Variants in PIGR observed in about 807,000 individuals in gnomAD.
PIGR encodes hepatocellular carcinoma associated protein TB6.
Under a neutral mutation model 69.5 loss-of-function variants are expected in PIGR, and 22 were observed. The observed-to-expected ratio is 0.32, with a 90% confidence interval of 0.23 to 0.45. The LOEUF (loss-of-function observed/expected upper bound fraction) is 0.45. Among genes scored for constraint, PIGR ranks in the 20% least tolerant of loss-of-function variants. The pLI is 1.00. For synonymous variants in PIGR, 413 were observed against 407.6 expected, an observed-to-expected ratio of 1.01 and a Z score of -0.16; for missense variants, 885 against 974.0, an observed-to-expected ratio of 0.91 and a Z score of 1.22.
At chr1:206,938,822 C>G (rs1283551253) in intron 3 of PIGR, among the ~76,000 whole-genome samples, 1 of 152,166 alleles carries the variant, frequency 6.6e-6, no homozygotes, top group Non-Finnish European at 1.5e-5. Context: ...ATTTCCCTTT[C>G]TACCTGTAGC....
At chr1:206,934,322 A>G (rs751534843) in intron 6 of PIGR, 98 bp downstream of exon 6, 23 of 1,067,368 alleles carry the variant, frequency 2.2e-5, no homozygotes, top group Non-Finnish European at 3.1e-5. Context: ...ACAGCCAAAC[A>G]TAGGGGCCAG....
In PIGR at chr1:206,929,645, A is replaced by G. The variant is rs1482258256; in HGVS notation, c.*673T>C. The G allele has an allele frequency of 3.3e-5, 5 of 152,160 alleles. No individual in the cohort carries two copies. Among genetic ancestry groups the G allele is most frequent in the Non-Finnish European group, 7.4e-5 (5 of 68,026 alleles). 9.4% of individuals were successfully genotyped at this position (152,160 alleles called of 1,614,324 possible). On this transcript the variant is annotated 3_prime_UTR_variant, in exon 11 of 11. Transcript: ENST00000356495. ...TGTGGGTTTATAATTACCTGTGTGTATGCTCATCATACATGACCCCTAAGG... is the reference window on the plus strand; with the variant it reads ...TGTGGGTTTATAATTACCTGTGTGTGTGCTCATCATACATGACCCCTAAGG...
intron 6 of PIGR, 23 bp downstream of exon 6, chr1:206,934,397 A>G: frequency 6.2e-7 from 1 of 1,600,268 alleles, no homozygotes; most frequent in Non-Finnish European, 8.5e-7. Context: ...TGAGGGGTGC[A>G]GGCCCTGTCC....
In PIGR at chr1:206,937,265, G is replaced by T. The variant is rs774144443; in HGVS notation, c.875C>A (p.Ala292Asp). The T allele has an allele frequency of 1.6e-5, 26 of 1,613,834 alleles. No individual in the cohort carries two copies. The African/African-American group carries it at 3.1e-4, about 19-fold the overall frequency. The change falls in exon 4 of 11, where the codon GCC (alanine) becomes GAC (aspartate). Residue 292 changes from alanine (A) to aspartate (D), a missense_variant. By Grantham distance (126) the Ala-to-Asp change is moderately radical. Transcript: ENST00000356495. Reference sequence around the variant, plus strand: ...GTTGAGCAGGATCCTGCCCTCAAAGGCTGGGGCCCTCTTCCCCAGGGTGTT... The same window carrying T: ...GTTGAGCAGGATCCTGCCCTCAAAGTCTGGGGCCCTCTTCCCCAGGGTGTT... The part of the protein sequence containing the change: ...VVNTLGKRAP[A>D]FEGRILLNPQ...
At chr1:206,932,878 C>G in intron 7 of PIGR, 108 bp downstream of exon 7, 1 of 1,125,228 alleles carries the variant, frequency 8.9e-7, no homozygotes, top group Non-Finnish European at 1.3e-6. Flanking sequence ...AAGGGCTGCC[C>G]CAGTGCTCAA....
Position 206,930,876 on chromosome 1 carries a change from T to C in PIGR, c.2200-463A>G, listed in dbSNP as rs573079710. On this transcript the variant is annotated intron_variant, in intron 10 of 10. Coordinates refer to ENST00000356495, the MANE Select transcript of PIGR (RefSeq NM_002644.4). The surrounding 1 kb of genome is among the most constrained non-coding windows in gnomAD (Gnocchi z 4.3). ...CAGAGATGTTTCAAGAAAAAGTAGA[T>C]ATGATAAAAACAACAACAACAACAA... is the stretch of plus-strand genomic sequence containing the variant. 2.0e-6 allele frequency: 2 copies of C among 985,406 alleles called. No individual in the cohort carries two copies. Among genetic ancestry groups the C allele is most frequent in the South Asian group, 4.7e-5 (1 of 21,286 alleles). The allele number at this position is 985,406 out of a possible 1,614,324, so 61.0% of individuals were successfully genotyped here.
chr1:206,942,005 T>A (rs1360076405), intron 1 of PIGR, among the ~76,000 whole-genome samples: 1 of 152,224 alleles, frequency 6.6e-6, no homozygotes, highest in African/African-American at 2.4e-5. Context: ...CAGACTCCCT[T>A]CACCAGCTTG....
chr1:206,931,067 C>G, intron 10 of PIGR: 2 of 985,416 alleles, frequency 2.0e-6, no homozygotes, highest in Non-Finnish European at 2.4e-6. Context: ...CTGCCCACCG[C>G]AAGCAAATGT....
At chr1:206,933,326 A>G (rs1053146718) in intron 6 of PIGR, among the ~76,000 whole-genome samples, 160 bp from the exon 7 acceptor site, 2 of 152,164 alleles carry the variant, frequency 1.3e-5, no homozygotes, top group African/African-American at 2.4e-5. Context: ...AACAGCTGTG[A>G]TGGCCTTCTT....
intron 8 of PIGR, 61 bp downstream of exon 8, chr1:206,932,395 A>T: frequency 6.6e-7 from 1 of 1,518,836 alleles, no homozygotes; most frequent in African/African-American, 1.4e-5. Flanking sequence ...CTATGGGTGG[A>T]TGATTCAGGA....
At chr1:206,932,321 C>G in intron 8 of PIGR, 135 bp downstream of exon 8, 2 of 1,074,234 alleles carry the variant, frequency 1.9e-6, no homozygotes, top group Admixed American at 2.6e-5. Flanking sequence ...TTATCTTTCC[C>G]CATCCTGCTT....
rs1390091074 is a variant in PIGR, at chr1:206,929,089, AAAAATT to A, written c.*1223_*1228del. The A allele has an allele frequency of 5.4e-4, 83 of 152,384 alleles. 1 individual carries two copies. The highest frequency in any genetic ancestry group is 8.8e-4 in the Non-Finnish European group (60 of 68,390). 9.4% of individuals were successfully genotyped at this position (152,384 alleles called of 1,614,324 possible). Reference sequence around the variant, plus strand: ...CTCTACAAAAAAAAAAAAAAAAAAAAAAAATTAGCCAGACATGGTGGCCCACATCTG... The same window carrying A: ...CTCTACAAAAAAAAAAAAAAAAAAAAAGCCAGACATGGTGGCCCACATCTG... On this transcript the variant is annotated 3_prime_UTR_variant, in exon 11 of 11. Transcript: ENST00000356495.
Position 206,930,745 on chromosome 1 carries a change from T to C in PIGR, c.2200-332A>G. 1.9e-5 allele frequency: 19 copies of C among 985,314 alleles called. No individual in the cohort carries two copies. The highest frequency in any genetic ancestry group is 2.2e-5 in the Non-Finnish European group (18 of 829,902). The allele number at this position is 985,314 out of a possible 1,614,324, so 61.0% of individuals were successfully genotyped here. A position where few individuals can be genotyped will look rare whatever the true frequency, so the allele number is the denominator to read the frequency against. On this transcript the variant is annotated intron_variant, in intron 10 of 10. Transcript: ENST00000356495. This position sits in a 1 kb window ranked among gnomAD's most constrained non-coding sequence, Gnocchi z 4.3. Reference sequence around the variant, plus strand: ...CCTAGGCTGGGGTCAACCACGGTGGTGTATGTTTTTCTTTCTCCACCAGCC... The same window carrying C: ...CCTAGGCTGGGGTCAACCACGGTGGCGTATGTTTTTCTTTCTCCACCAGCC...
At chr1:206,936,993 G>T in intron 4 of PIGR, 102 bp downstream of exon 4, 3 of 1,126,134 alleles carry the variant, frequency 2.7e-6, no homozygotes, top group Non-Finnish European at 3.7e-6. Context: ...GGATGCTGTT[G>T]GCTGATTGAT....
At chr1:206,932,860 G>A in intron 7 of PIGR, 126 bp downstream of exon 7, 1 of 953,948 alleles carries the variant, frequency 1.0e-6, no homozygotes, top group Non-Finnish European at 1.6e-6. Flanking sequence ...CATATAAGCA[G>A]AGGTAGTAAG....
chr1:206,937,504 G>T lies in PIGR; in HGVS notation c.636C>A (p.Leu212=). 2 of 1,614,210 alleles carry T rather than the reference G, an allele frequency of 1.2e-6. No individual in the cohort carries two copies. The highest frequency in any genetic ancestry group is 1.7e-6 in the Non-Finnish European group (2 of 1,180,030). The part of the protein sequence containing the change: ...LFSVVINQLR[L]SDAGQYLCQA... ...GGCAGAGATACTGCCCAGCATCGCT[G>T]AGCCTGAGTTGGTTGATGACAACGC... The change falls in exon 4 of 11, where the codon CTC becomes CTA. Residue 212 remains leucine (L), a synonymous_variant. Transcript: ENST00000356495.
Position 206,939,477 on chromosome 1 carries a change from A to T in PIGR, c.44-14T>A, listed in dbSNP as rs149769857. On this transcript the variant is annotated splice_polypyrimidine_tract_variant and intron_variant, in intron 2 of 10. Transcript: ENST00000356495. Reference sequence around the variant, plus strand: ...TCGTGGAGATGGCTGTGGGAACAGAAGAGAGAGGCTTTCTGAGGCCCTTGG... The same window carrying T: ...TCGTGGAGATGGCTGTGGGAACAGATGAGAGAGGCTTTCTGAGGCCCTTGG... 1 of 1,568,024 alleles carries T rather than the reference A, an allele frequency of 6.4e-7. No homozygotes were observed. Among genetic ancestry groups the T allele is most frequent in the African/African-American group, 1.3e-5 (1 of 74,254 alleles).
chr1:206,934,552 G>A lies in PIGR; in HGVS notation c.1573C>T (p.Arg525Trp), dbSNP rs541788778. 34 of 1,614,236 alleles carry A rather than the reference G, an allele frequency of 2.1e-5. No individual in the cohort carries two copies. The highest frequency in any genetic ancestry group is 1.6e-4 in the Middle Eastern group (1 of 6,062). The change falls in exon 6 of 11, where the codon CGG (arginine) becomes TGG (tryptophan). Residue 525 changes from arginine (R) to tryptophan (W), a missense_variant. By Grantham distance (101) the Arg-to-Trp change is moderately radical. Transcript: ENST00000356495. ...KAFVNCDENS[R>W]LVSLTLNLVT... Reference sequence around the variant, plus strand: ...AGGTTCAGGGTCAGGGAGACAAGCCGGCTGTTCTCGTCACAGTTCACGAAG... The same window carrying A: ...AGGTTCAGGGTCAGGGAGACAAGCCAGCTGTTCTCGTCACAGTTCACGAAG...
intron 3 of PIGR, 48 bp from the exon 4 acceptor site, chr1:206,937,799 A>G (rs1226901246): frequency 6.5e-7 from 1 of 1,546,498 alleles, no homozygotes; most frequent in Admixed American, 1.7e-5. Flanking sequence ...TTACGATTCT[A>G]CTTTCTTGCA....
Sources: allele counts gnomAD v4.1 joint callset (sites outside exome capture counted in the v4.1 genomes callset), GRCh38; gene constraint gnomAD v4.1.1; non-coding constraint Gnocchi (gnomAD v3.1); transcripts MANE v1.5; gene names NCBI Gene and HGNC (gene_info 2026-07-23, HGNC 2026-07-21).